PDE4B: variants seen among roughly 807,000 people sequenced by gnomAD.
PDE4B encodes the protein 3',5'-cyclic-AMP phosphodiesterase 4B.
In PDE4B, 20 loss-of-function variants were observed where a neutral mutation model predicts 82.2. That is an observed-to-expected ratio of 0.24 (90% CI 0.17 to 0.35). The LOEUF (loss-of-function observed/expected upper bound fraction) is 0.35. PDE4B is among the 10% of genes least tolerant of loss of function. The pLI is 1.00. For synonymous variants in PDE4B, 320 were observed against 318.9 expected (o/e 1.00, Z -0.04); for missense variants, 655 against 907.2 (o/e 0.72, Z 3.57).
At chr1:66,257,539 G>A in intron 4 of PDE4B, 108 bp from the exon 5 acceptor site, 1 of 1,072,162 alleles carries the variant, frequency 9.3e-7, no homozygotes, top group South Asian at 1.3e-5. Flanking sequence ...AGAAGAACTT[G>A]TATAACATTT....
intron 3 of PDE4B, among the ~76,000 whole-genome samples, chr1:66,216,902 A>G (rs1650505609): frequency 6.6e-6 from 1 of 152,128 alleles, no homozygotes; most frequent in East Asian, 1.9e-4. Flanking sequence ...TTTCAGCCTC[A>G]TTACCTATGC....
intron 3 of PDE4B, among the ~76,000 whole-genome samples, chr1:66,105,450 A>G (rs1645328957): frequency 1.3e-5 from 2 of 152,044 alleles, no homozygotes; most frequent in East Asian, 1.9e-4. Context: ...TATGAACTTT[A>G]AAGTAGTTTT....
At chr1:66,360,994 T>G (rs1662715270) in intron 9 of PDE4B, among the ~76,000 whole-genome samples, 1 of 152,202 alleles carries the variant, frequency 6.6e-6, no homozygotes, top group Non-Finnish European at 1.5e-5. Context: ...AATTATAGTC[T>G]TCCTCTAAAC....
intron 1 of PDE4B, among the ~76,000 whole-genome samples, chr1:65,833,609 C>T (rs796363790): frequency 3.3e-4 from 50 of 152,312 alleles, no homozygotes; most frequent in African/African-American, 1.1e-3. Context: ...CATTGGCTGA[C>T]CACTTCTAGC....
At chr1:65,982,644 A>G (rs1650747571) in intron 3 of PDE4B, among the ~76,000 whole-genome samples, 1 of 152,196 alleles carries the variant, frequency 6.6e-6, no homozygotes, top group Admixed American at 6.5e-5. Context: ...TGTGAATTGC[A>G]CAGGAGGCCA....
intron 3 of PDE4B, among the ~76,000 whole-genome samples, chr1:65,986,643 T>A (rs1650968013): frequency 1.3e-5 from 2 of 152,220 alleles, no homozygotes; most frequent in Non-Finnish European, 2.9e-5. Context: ...CAATGAATAT[T>A]TGTTTAAATA....
intron 3 of PDE4B, among the ~76,000 whole-genome samples, chr1:66,059,833 CA>C (rs747248848): frequency 7.2e-5 from 11 of 152,064 alleles, no homozygotes; most frequent in Non-Finnish European, 1.2e-4. Context: ...AACATGGGAT[CA>C]AAAGAGAGCT....
At chr1:65,897,249 GACCTT>G (rs1646920779) in intron 1 of PDE4B, among the ~76,000 whole-genome samples, 2 of 152,154 alleles carry the variant, frequency 1.3e-5, no homozygotes, top group African/African-American at 4.8e-5. Flanking sequence ...CAATTGCAGA[GACCTT>G]ACCTGTACAC....
chr1:65,822,311 G>A (rs890461305), intron 1 of PDE4B, among the ~76,000 whole-genome samples: 16 of 152,024 alleles, frequency 1.1e-4, no homozygotes, highest in South Asian at 4.2e-4. Flanking sequence ...GATTGTTTTC[G>A]GTGATTTTTT....
chr1:66,237,509 C>T (rs1056241013), intron 3 of PDE4B, among the ~76,000 whole-genome samples: 2 of 152,114 alleles, frequency 1.3e-5, no homozygotes, highest in Non-Finnish European at 2.9e-5. Context: ...TTGATGTGCA[C>T]CTCAACACCT....
At chr1:66,025,415 A>G (rs541264508) in intron 3 of PDE4B, among the ~76,000 whole-genome samples, 2 of 152,298 alleles carry the variant, frequency 1.3e-5, no homozygotes, top group South Asian at 2.1e-4. Flanking sequence ...CAAGCCTAAT[A>G]ACCCAGTTGG....
At chr1:66,266,622 T>C (rs1655058746) in intron 7 of PDE4B, 16 of 468,862 alleles carry the variant, frequency 3.4e-5, no homozygotes. Context: ...AACGGTGTTT[T>C]GTTTTGTTTT....
At chr1:65,938,509 A>G (rs1290453826) in intron 3 of PDE4B, among the ~76,000 whole-genome samples, 2 of 152,204 alleles carry the variant, frequency 1.3e-5, no homozygotes, top group Non-Finnish European at 2.9e-5. Flanking sequence ...AGATCAAAGA[A>G]AAGGAAGCAT....
At chr1:66,270,791 G>A (rs1389506608) in intron 7 of PDE4B, among the ~76,000 whole-genome samples, 1 of 151,992 alleles carries the variant, frequency 6.6e-6, no homozygotes, top group African/African-American at 2.4e-5. Context: ...AAAAGAAAAA[G>A]GAAAGAAAAG....
intron 3 of PDE4B, among the ~76,000 whole-genome samples, chr1:66,053,231 A>G (rs974960251): frequency 9.8e-5 from 15 of 152,326 alleles, no homozygotes; most frequent in Admixed American, 2.6e-4. Context: ...TGTTTGTTGA[A>G]TAAATTATAC....
chr1:65,952,097 C>T (rs1649030076), intron 3 of PDE4B, among the ~76,000 whole-genome samples: 1 of 152,054 alleles, frequency 6.6e-6, no homozygotes, highest in African/African-American at 2.4e-5. Flanking sequence ...AAATGATTAG[C>T]TCTACCCCAG....
intron 3 of PDE4B, among the ~76,000 whole-genome samples, chr1:65,987,897 A>G (rs1651039345): frequency 6.6e-6 from 1 of 152,244 alleles, no homozygotes. Flanking sequence ...TACAGGTGTG[A>G]GCAACTGTAC....
chr1:66,005,561 G>A (rs1466031963), intron 3 of PDE4B, among the ~76,000 whole-genome samples: 1 of 152,068 alleles, frequency 6.6e-6, no homozygotes, highest in Non-Finnish European at 1.5e-5. Flanking sequence ...TTTAAGTCCA[G>A]GGATTCTATT....
chr1:66,309,681 G>A (rs745758568), intron 7 of PDE4B, among the ~76,000 whole-genome samples: 2 of 152,084 alleles, frequency 1.3e-5, no homozygotes, highest in Non-Finnish European at 2.9e-5. Context: ...TGTAACTGGA[G>A]GCAAGTTATT....
Sources: allele counts gnomAD v4.1 joint callset (sites outside exome capture counted in the v4.1 genomes callset), GRCh38; gene constraint gnomAD v4.1.1; transcripts MANE v1.5; gene names NCBI Gene and HGNC (gene_info 2026-07-23, HGNC 2026-07-21).